CPEB3: variants seen among roughly 807,000 people sequenced by gnomAD.
CPEB3 encodes the protein cytoplasmic polyadenylation element binding protein 3.
CPEB3 carries 20 observed loss-of-function variants against 67.2 expected under a neutral mutation model. The observed-to-expected ratio is 0.30, with a 90% CI of 0.21 to 0.43. CPEB3 has a LOEUF of 0.43. CPEB3 is among the 20% of genes least tolerant of loss of function. The pLI, the probability that CPEB3 is intolerant of heterozygous loss-of-function variation, is 1.00. For missense variants in CPEB3, 746 were observed against 968.6 expected, an observed-to-expected ratio of 0.77 and a Z score of 3.05; for synonymous variants, 376 against 393.1, an observed-to-expected ratio of 0.96 and a Z score of 0.51.
chr10:92,074,093 T>TATTTTTTTTTAATTAAAAAAATG (rs1842853813), intron 9 of CPEB3, among the ~76,000 whole-genome samples: 2 of 137,436 alleles, frequency 1.5e-5, no homozygotes, highest in African/African-American at 4.9e-5. Context: ...TCTTTTTAAC[T>TATTTTTTTTTAATTAAAAAAATG]ATTTTTTTTT....
intron 9 of CPEB3, among the ~76,000 whole-genome samples, chr10:92,080,863 T>C (rs960939784): frequency 1.1e-4 from 17 of 152,220 alleles, no homozygotes; most frequent in African/African-American, 4.1e-4. Flanking sequence ...CCTCCCAGAG[T>C]GCTGGGATTA....
intron 6 of CPEB3, among the ~76,000 whole-genome samples, chr10:92,142,678 A>T (rs1350473347): frequency 6.6e-6 from 1 of 152,210 alleles, no homozygotes; most frequent in Non-Finnish European, 1.5e-5. Flanking sequence ...AGGGCTATGG[A>T]ATACAAATAA....
At chr10:92,241,342 C>A (rs1227784441) in intron 1 of CPEB3, among the ~76,000 whole-genome samples, 1 of 152,120 alleles carries the variant, frequency 6.6e-6, no homozygotes, top group East Asian at 1.9e-4. Flanking sequence ...TTAAAAAAAA[C>A]CCTCAGAGAT....
At chr10:92,218,914 CAGGT>C (rs1254921303) in intron 2 of CPEB3, among the ~76,000 whole-genome samples, 2 of 151,932 alleles carry the variant, frequency 1.3e-5, no homozygotes, top group Non-Finnish European at 2.9e-5. Context: ...TCCTAAGGCT[CAGGT>C]GAACATAGAC....
At chr10:92,224,944 TA>T (rs1190053964) in intron 2 of CPEB3, among the ~76,000 whole-genome samples, 1 of 148,130 alleles carries the variant, frequency 6.8e-6, no homozygotes, top group African/African-American at 2.4e-5. Flanking sequence ...TATATAAATT[TA>T]AAAAAATGAA....
chr10:92,231,483 C>T (rs962081115), intron 2 of CPEB3, among the ~76,000 whole-genome samples: 1 of 152,140 alleles, frequency 6.6e-6, no homozygotes. Context: ...CTCTCCCCTC[C>T]CACCTCCTCC....
intron 6 of CPEB3, among the ~76,000 whole-genome samples, chr10:92,136,033 G>T (rs1237191966): frequency 6.6e-6 from 1 of 151,660 alleles, no homozygotes; most frequent in Non-Finnish European, 1.5e-5. Flanking sequence ...CAGGGGGAGG[G>T]ATAGCATTAG....
At chr10:92,265,266 A>T (rs1045512148) in intron 1 of CPEB3, among the ~76,000 whole-genome samples, 1 of 152,130 alleles carries the variant, frequency 6.6e-6, no homozygotes, top group African/African-American at 2.4e-5. Context: ...CCCAAGACCT[A>T]ATCACCTAGA....
At position 92,239,522 on chromosome 10, in the gene CPEB3, C is replaced by T. The variant is rs1480208714; in HGVS notation, c.829G>A (p.Gly277Ser). ...DPRRAVGVGV[G>S]VGVGVPSPLN... is the part of the protein sequence containing the mutation. ...GGGGAAGGCACCCCGACACCCACAC[C>T]CACGCCCACACCGACCGCCCGGCGA... The change falls in exon 2 of 10, where the codon GGT becomes AGT. Residue 277 changes from glycine (G) to serine (S), a missense_variant. By Grantham distance (56) the Gly-to-Ser change is moderately conservative. Transcript: ENST00000265997. The surrounding 1 kb of genome is among the most constrained non-coding windows in gnomAD (Gnocchi z 6.0). 4.5e-6 allele frequency: 7 copies of T among 1,567,202 alleles called. No homozygotes were observed. Among genetic ancestry groups the T allele is most frequent in the Non-Finnish European group, 6.1e-6 (7 of 1,155,120 alleles).
At chr10:92,273,048 T>C (rs1853371648) in intron 1 of CPEB3, among the ~76,000 whole-genome samples, 2 of 152,136 alleles carry the variant, frequency 1.3e-5, no homozygotes, top group South Asian at 4.1e-4. Context: ...ATTTGAGAGA[T>C]ATTTAGGAGA....
chr10:92,271,293 CAA>C (rs1302472189), intron 1 of CPEB3, among the ~76,000 whole-genome samples: 2 of 152,154 alleles, frequency 1.3e-5, no homozygotes, highest in African/African-American at 2.4e-5. Context: ...CAAATGTTAA[CAA>C]ATCTTATATT....
chr10:92,181,989 T>G (rs1479679981), intron 3 of CPEB3, among the ~76,000 whole-genome samples: 1 of 151,376 alleles, frequency 6.6e-6, no homozygotes, highest in South Asian at 2.1e-4. Context: ...TTTGAGAGAG[T>G]CTTATATGAA....
intron 1 of CPEB3, among the ~76,000 whole-genome samples, chr10:92,248,859 T>A (rs1295881998): frequency 6.6e-6 from 1 of 152,188 alleles, no homozygotes; most frequent in East Asian, 1.9e-4. Context: ...TGCAGCAACA[T>A]TGACATAACT....
At chr10:92,107,263 C>T (rs1161153556) in intron 7 of CPEB3, among the ~76,000 whole-genome samples, 1 of 152,196 alleles carries the variant, frequency 6.6e-6, no homozygotes, top group Non-Finnish European at 1.5e-5. Flanking sequence ...CCCACATAAG[C>T]ATACTTTAGT....
At chr10:92,193,803 T>C (rs985993489) in intron 2 of CPEB3, among the ~76,000 whole-genome samples, 2 of 151,732 alleles carry the variant, frequency 1.3e-5, no homozygotes, top group Non-Finnish European at 2.9e-5. Context: ...CTTTTTTTTT[T>C]TTCTTTTTTT....
intron 9 of CPEB3, among the ~76,000 whole-genome samples, chr10:92,074,819 T>C (rs1029996554): frequency 2.0e-5 from 3 of 152,184 alleles, no homozygotes; most frequent in African/African-American, 7.2e-5. Context: ...CTCGTTGCTG[T>C]GTAAAAAATG....
chr10:92,133,947 G>A (rs901444732), intron 6 of CPEB3, among the ~76,000 whole-genome samples: 1 of 152,126 alleles, frequency 6.6e-6, no homozygotes, highest in African/African-American at 2.4e-5. Context: ...TGCAGGAAAG[G>A]CCTTTGACAA....
intron 2 of CPEB3, among the ~76,000 whole-genome samples, chr10:92,238,790 A>C (rs957833519): frequency 5.3e-5 from 8 of 152,346 alleles, no homozygotes; most frequent in Admixed American, 5.2e-4. Flanking sequence ...TAATGATTCT[A>C]GCACCTTAGC....
At chr10:92,174,570 C>T (rs1022875970) in intron 4 of CPEB3, among the ~76,000 whole-genome samples, 1 of 152,104 alleles carries the variant, frequency 6.6e-6, no homozygotes, top group African/African-American at 2.4e-5. Context: ...TATATCAATT[C>T]ATGAGATACA....
Sources: allele counts gnomAD v4.1 joint callset (sites outside exome capture counted in the v4.1 genomes callset), GRCh38; gene constraint gnomAD v4.1.1; non-coding constraint Gnocchi (gnomAD v3.1); transcripts MANE v1.5; gene names NCBI Gene and HGNC (gene_info 2026-07-23, HGNC 2026-07-21).